The following TMEM178B variants were observed in gnomAD, a reference collection of about 807,000 sequenced individuals.
TMEM178B encodes transmembrane protein 178B.
A neutral mutation model predicts 31.0 loss-of-function variants in TMEM178B; 5 were observed. The observed-to-expected ratio is 0.16, with a 90% CI of 0.08 to 0.34. The LOEUF is 0.34. Among genes scored for constraint, TMEM178B ranks in the 10% least tolerant of loss-of-function variants. TMEM178B has a pLI of 1.00. For synonymous variants in TMEM178B, 164 were observed against 164.0 expected (o/e 1.00, Z 0.00); for missense variants, 275 against 400.3 (o/e 0.69, Z 2.67).
At chr7:141,427,434 G>T (rs1801339451) in intron 2 of TMEM178B, among the ~76,000 whole-genome samples, 1 of 152,204 alleles carries the variant, frequency 6.6e-6, no homozygotes, top group Admixed American at 6.5e-5. Context: ...CAACAAAGGT[G>T]TCAAGAACAC....
chr7:141,311,097 A>G lies in TMEM178B; in HGVS notation c.496+98393A>G, dbSNP rs1326211534. On this transcript the variant is annotated intron_variant, in intron 2 of 3. Coordinates refer to ENST00000565468, the MANE Select transcript of TMEM178B (RefSeq NM_001195278.2). ...CTCACTTATGAGCGGGAGCTGAACA[A>G]TGAGAACACATGGACACAGGGAAGG... Among the ~76,000 whole-genome samples the G allele has an allele frequency of 3.3e-5, 5 of 152,232 alleles. No homozygotes were observed. In the South Asian group the frequency reaches 6.2e-4, roughly 19 times the overall value.
At chr7:141,177,089 T>G (rs915525147) in intron 1 of TMEM178B, among the ~76,000 whole-genome samples, 3 of 152,252 alleles carry the variant, frequency 2.0e-5, no homozygotes, top group Admixed American at 2.0e-4. Context: ...GGGCATTTAG[T>G]GCTATAAAAT....
At chr7:141,366,857 C>G (rs988596834) in intron 2 of TMEM178B, among the ~76,000 whole-genome samples, 3 of 152,028 alleles carry the variant, frequency 2.0e-5, no homozygotes, top group Non-Finnish European at 2.9e-5. Context: ...TCAGGCTCTC[C>G]GGCCCACAGT....
At chr7:141,221,141 A>C (rs1158439184) in intron 2 of TMEM178B, among the ~76,000 whole-genome samples, 1 of 152,248 alleles carries the variant, frequency 6.6e-6, no homozygotes, top group Non-Finnish European at 1.5e-5. Flanking sequence ...AGTAAGAGGC[A>C]TGGCCTGCAT....
At chr7:141,335,615 A>G (rs1799371541) in intron 2 of TMEM178B, among the ~76,000 whole-genome samples, 2 of 152,128 alleles carry the variant, frequency 1.3e-5, no homozygotes, top group Admixed American at 1.3e-4. Flanking sequence ...TACAGTGCAC[A>G]GTTTGGGATT....
intron 1 of TMEM178B, among the ~76,000 whole-genome samples, chr7:141,130,365 T>C (rs1050328853): frequency 3.3e-5 from 5 of 152,178 alleles, no homozygotes; most frequent in African/African-American, 4.8e-5. Context: ...ACCCCTTAGA[T>C]AGGAATTTGG....
chr7:141,225,220 C>A (rs1297850271), intron 2 of TMEM178B, among the ~76,000 whole-genome samples: 1 of 152,182 alleles, frequency 6.6e-6, no homozygotes, highest in Non-Finnish European at 1.5e-5. Flanking sequence ...ACACATATCT[C>A]GTGCGGCAGG....
chr7:141,130,086 T>C (rs992448679), intron 1 of TMEM178B, among the ~76,000 whole-genome samples: 1 of 152,184 alleles, frequency 6.6e-6, no homozygotes, highest in African/African-American at 2.4e-5. Context: ...GACTCTCAGT[T>C]AATCTCTTCA....
At chr7:141,158,962 A>G (rs959594576) in intron 1 of TMEM178B, among the ~76,000 whole-genome samples, 3 of 152,160 alleles carry the variant, frequency 2.0e-5, no homozygotes, top group Admixed American at 6.5e-5. Flanking sequence ...AGGACAAGGG[A>G]AATGAGGAAG....
the TMEM178B span, among the ~76,000 whole-genome samples, chr7:141,491,600 T>C: frequency 2.6e-5 from 4 of 152,122 alleles, no homozygotes; most frequent in African/African-American, 9.7e-5. Context: ...TTTCGAGCAT[T>C]TACTATATAC....
chr7:141,125,489 T>A (rs901379800), intron 1 of TMEM178B, among the ~76,000 whole-genome samples: 1 of 151,854 alleles, frequency 6.6e-6, no homozygotes, highest in Non-Finnish European at 1.5e-5. Flanking sequence ...GAGACCAGCC[T>A]GGACAACATG....
At chr7:141,111,040 A>G (rs149116212) in intron 1 of TMEM178B, among the ~76,000 whole-genome samples, 257 of 152,284 alleles carry the variant, frequency 1.7e-3, no homozygotes, top group East Asian at 0.014. Flanking sequence ...CACGCAGTCT[A>G]TGGTCTTTTG....
intron 2 of TMEM178B, among the ~76,000 whole-genome samples, chr7:141,423,098 G>T (rs1180964866): frequency 6.6e-6 from 1 of 152,190 alleles, no homozygotes; most frequent in Non-Finnish European, 1.5e-5. Context: ...GGAGTGCAGT[G>T]GCGTGATCTC....
intron 1 of TMEM178B, among the ~76,000 whole-genome samples, chr7:141,184,843 G>T (rs372302182): frequency 6.6e-6 from 1 of 152,112 alleles, no homozygotes. Flanking sequence ...TTGATCCTTG[G>T]TACAAATAAA....
intron 2 of TMEM178B, among the ~76,000 whole-genome samples, chr7:141,397,119 C>G (rs1175320232): frequency 2.0e-5 from 3 of 152,144 alleles, no homozygotes; most frequent in African/African-American, 7.2e-5. Flanking sequence ...GAGGGCTGCA[C>G]AGAAGATGAA....
chr7:141,428,371 AAAAAAAAAAAAAAG>A (rs1801359508), intron 2 of TMEM178B, among the ~76,000 whole-genome samples: 1 of 137,408 alleles, frequency 7.3e-6, no homozygotes. Context: ...TCCACCTCAA[AAAAAAAAAAAAAAG>A]AAAAAAAGAA....
intron 2 of TMEM178B, among the ~76,000 whole-genome samples, chr7:141,233,051 G>C (rs924491553): frequency 6.6e-6 from 1 of 152,134 alleles, no homozygotes; most frequent in Non-Finnish European, 1.5e-5. Context: ...GCATTGATTC[G>C]AATGTGGTCA....
intron 2 of TMEM178B, among the ~76,000 whole-genome samples, chr7:141,404,922 C>A (rs1333531436): frequency 6.6e-6 from 1 of 152,226 alleles, no homozygotes; most frequent in African/African-American, 2.4e-5. Context: ...TGACCAGCAC[C>A]CAACAGCCCA....
At chr7:141,223,419 TGA>T (rs1797286832) in intron 2 of TMEM178B, among the ~76,000 whole-genome samples, 1 of 151,878 alleles carries the variant, frequency 6.6e-6, no homozygotes, top group East Asian at 1.9e-4. Context: ...CAGATGATTC[TGA>T]GAGGAGAACC....
Sources: gnomAD v4.1 joint callset for allele counts (sites outside exome capture counted in the v4.1 genomes callset) on GRCh38, gnomAD v4.1.1 for gene constraint, MANE v1.5 for transcripts, NCBI Gene and HGNC (gene_info 2026-07-23, HGNC 2026-07-21) for gene names.